ITPR1: variants seen among roughly 807,000 people sequenced by gnomAD.
ITPR1 encodes inositol 1,4,5-trisphosphate-gated calcium channel ITPR1.
A neutral mutation model predicts 318.4 loss-of-function variants in ITPR1; 96 were observed. The ratio of observed to expected loss-of-function variants is 0.30; its 90% confidence interval spans 0.26 to 0.36. The LOEUF is 0.36. Among genes scored for constraint, ITPR1 ranks in the 10% least tolerant of loss-of-function variants. ITPR1 has a pLI of 1.00. For missense variants in ITPR1, 2,440 were observed against 3,460.2 expected, an observed-to-expected ratio of 0.71 and a Z score of 7.40; for synonymous variants, 1,312 against 1,289.9, an observed-to-expected ratio of 1.02 and a Z score of -0.37.
chr3:4,497,060 T>G (rs1174798066), intron 2 of ITPR1, among the ~76,000 whole-genome samples: 2 of 1,206 alleles, frequency 1.7e-3, no homozygotes, highest in African/African-American at 0.015. Flanking sequence ...GTCCATGCAG[T>G]TTTTTTTTTT....
At chr3:4,746,940 GA>G (rs1412694700) in intron 44 of ITPR1, among the ~76,000 whole-genome samples, 2 of 152,200 alleles carry the variant, frequency 1.3e-5, no homozygotes, top group African/African-American at 4.8e-5. Context: ...TGTAAATGTA[GA>G]GATAGAAGTT....
chr3:4,791,125 A>C (rs2047526994), intron 52 of ITPR1, among the ~76,000 whole-genome samples: 1 of 152,178 alleles, frequency 6.6e-6, no homozygotes, highest in Non-Finnish European at 1.5e-5. Flanking sequence ...CAAACAAAAA[A>C]CTAGGAAAGA....
chr3:4,711,426 A>G (rs2125282332), intron 38 of ITPR1, among the ~76,000 whole-genome samples: 1 of 152,110 alleles, frequency 6.6e-6, no homozygotes, highest in South Asian at 2.1e-4. Flanking sequence ...TTTACTGGCA[A>G]TTCTCAGTGG....
chr3:4,728,366 G>T (rs992785570), intron 42 of ITPR1, among the ~76,000 whole-genome samples: 1 of 152,188 alleles, frequency 6.6e-6, no homozygotes, highest in African/African-American at 2.4e-5. Context: ...TCAACATCTT[G>T]TCTAAGGTCA....
At chr3:4,637,737 T>G (rs1425226478) in intron 5 of ITPR1, among the ~76,000 whole-genome samples, 4 of 152,206 alleles carry the variant, frequency 2.6e-5, no homozygotes, top group Non-Finnish European at 5.9e-5. Flanking sequence ...TCATTTTGGC[T>G]TAGAATTGCT....
At chr3:4,615,365 ATTTC>A (rs199673340) in intron 4 of ITPR1, among the ~76,000 whole-genome samples, 1 of 129,950 alleles carries the variant, frequency 7.7e-6, no homozygotes, top group Non-Finnish European at 1.6e-5. Context: ...TTTCCAACTG[ATTTC>A]TTTCTTTTTT....
At chr3:4,684,648 G>T (rs1426506674) in intron 29 of ITPR1, among the ~76,000 whole-genome samples, 1 of 152,230 alleles carries the variant, frequency 6.6e-6, no homozygotes, top group Non-Finnish European at 1.5e-5. Flanking sequence ...TGAGAATACT[G>T]TCAGGGAGTC....
At chr3:4,665,846 A>G (rs2093935336) in intron 17 of ITPR1, among the ~76,000 whole-genome samples, 1 of 152,220 alleles carries the variant, frequency 6.6e-6, no homozygotes, top group Non-Finnish European at 1.5e-5. Flanking sequence ...GCTCCAAACA[A>G]CCTTCAGATT....
chr3:4,609,065 T>TAC (rs2091911835), intron 4 of ITPR1, among the ~76,000 whole-genome samples: 1 of 88,504 alleles, frequency 1.1e-5, no homozygotes, highest in Admixed American at 1.0e-4. Context: ...TATATATATA[T>TAC]ATATATATAT....
intron 55 of ITPR1, 76 bp from the exon 56 acceptor site, chr3:4,811,189 C>T (rs1376408105): frequency 1.9e-6 from 2 of 1,069,498 alleles, no homozygotes; most frequent in African/African-American, 3.2e-5. Flanking sequence ...TCTCTATAAA[C>T]CAAGTTTGCA....
In ITPR1 at chr3:4,768,522, A is replaced by C. The variant is rs71313897; in HGVS notation, c.5737A>C (p.Thr1913Pro). The change falls in exon 46 of 62, where the codon ACA becomes CCA. Residue 1913 changes from threonine (T) to proline (P), a missense_variant. Transcript: ENST00000649015. ...APSRKKAKEP[T>P]TQITEEVRDQ... is the part of the protein sequence containing the mutation. ...TGCTTGCTTTCTAGCTAAAGAGCCC[A>C]CAACACAGATAACAGAAGAGGTCCG... is the stretch of plus-strand genomic sequence containing the variant. 45 of 1,609,628 alleles carry C rather than the reference A, an allele frequency of 2.8e-5. No homozygotes were observed. The highest frequency in any genetic ancestry group is 2.6e-5 in the Non-Finnish European group (31 of 1,176,632).
chr3:4,812,134 G>A (rs951911517), intron 56 of ITPR1, among the ~76,000 whole-genome samples: 34 of 150,142 alleles, frequency 2.3e-4, no homozygotes, highest in Non-Finnish European at 3.7e-4. Flanking sequence ...CCAACCTCCC[G>A]AGCTCAAGCA....
intron 2 of ITPR1, among the ~76,000 whole-genome samples, chr3:4,509,172 T>A (rs1198025160): frequency 2.0e-5 from 3 of 152,164 alleles, no homozygotes; most frequent in African/African-American, 7.2e-5. Flanking sequence ...GCCCCCTTTT[T>A]TACAGATAAG....
intron 4 of ITPR1, among the ~76,000 whole-genome samples, chr3:4,619,868 C>T (rs982277022): frequency 7.0e-6 from 1 of 142,846 alleles, no homozygotes; most frequent in Non-Finnish European, 1.5e-5. Context: ...TCTTTTTCCT[C>T]TTCCCCTTCC....
chr3:4,813,684 A>G (rs1264386686), intron 57 of ITPR1, among the ~76,000 whole-genome samples: 2 of 152,218 alleles, frequency 1.3e-5, no homozygotes, highest in Non-Finnish European at 1.5e-5. Context: ...AAAGGCTTTA[A>G]AGGTAAAAAG....
chr3:4,846,109 G>A (rs1253641208), intron 61 of ITPR1, 30 bp from the exon 62 acceptor site: 13 of 1,348,212 alleles, frequency 9.6e-6, no homozygotes, highest in Non-Finnish European at 1.0e-6. Context: ...AAGTATCTGG[G>A]TCTAATGATG....
At chr3:4,719,828 G>C (rs1179674305) in intron 40 of ITPR1, among the ~76,000 whole-genome samples, 1 of 152,160 alleles carries the variant, frequency 6.6e-6, no homozygotes, top group Non-Finnish European at 1.5e-5. Flanking sequence ...ACCAGGAAGA[G>C]GAGGGGTTGT....
chr3:4,737,582 A>G (rs1410475836), intron 44 of ITPR1, among the ~76,000 whole-genome samples: 1 of 152,176 alleles, frequency 6.6e-6, no homozygotes, highest in Non-Finnish European at 1.5e-5. Flanking sequence ...TGGGGTTCAT[A>G]TATAGGAGCA....
intron 33 of ITPR1, among the ~76,000 whole-genome samples, chr3:4,694,012 T>A (rs948258871): frequency 4.6e-5 from 7 of 152,378 alleles, no homozygotes; most frequent in African/African-American, 1.7e-4. Context: ...TTTAGCCTGT[T>A]GAGCAAAGGG....
Sources: gnomAD v4.1 joint callset for allele counts (sites outside exome capture counted in the v4.1 genomes callset) on GRCh38, gnomAD v4.1.1 for gene constraint, MANE v1.5 for transcripts, NCBI Gene and HGNC (gene_info 2026-07-23, HGNC 2026-07-21) for gene names.